Variants in KPNA5 observed in about 807,000 individuals in gnomAD.
The protein encoded by KPNA5 is karyopherin subunit alpha 5, also known as importin subunit alpha-6.
Under a neutral mutation model 71.3 loss-of-function variants are expected in KPNA5, and 46 were observed. That is an observed-to-expected ratio of 0.65 (90% CI 0.51 to 0.83). KPNA5 has a LOEUF of 0.83. Ranked by LOEUF, KPNA5 falls within the 40% of genes least tolerant of loss-of-function variation. The pLI is 0.00. For synonymous variants in KPNA5, 207 were observed against 201.4 expected (o/e 1.03, Z -0.24); for missense variants, 547 against 628.3 (o/e 0.87, Z 1.38).
chr6:116,696,069 G>A (rs995499466), intron 4 of KPNA5, among the ~76,000 whole-genome samples: 1 of 151,896 alleles, frequency 6.6e-6, no homozygotes, highest in East Asian at 1.9e-4. Flanking sequence ...TGATATCTTT[G>A]AGCAAGTTGT....
chr6:116,725,978 A>T (rs1779273711), intron 11 of KPNA5, 102 bp downstream of exon 11: 2 of 1,316,726 alleles, frequency 1.5e-6, no homozygotes, highest in African/African-American at 3.0e-5. Flanking sequence ...TTAAAAAGAT[A>T]CCGAAAAAGT....
intron 1 of KPNA5, among the ~76,000 whole-genome samples, chr6:116,684,751 A>G (rs1394589786): frequency 6.6e-6 from 1 of 152,194 alleles, no homozygotes; most frequent in Non-Finnish European, 1.5e-5. Flanking sequence ...CGTATTTTCA[A>G]CCATCTACAG....
intron 1 of KPNA5, 170 bp downstream of exon 1, chr6:116,681,508 G>C (rs1253124803): frequency 7.3e-7 from 1 of 1,364,792 alleles, no homozygotes; most frequent in Non-Finnish European, 9.5e-7. Flanking sequence ...CAGCGGTCGC[G>C]GGGGCGTGGC....
chr6:116,684,979 C>T (rs2114350722), intron 1 of KPNA5, among the ~76,000 whole-genome samples: 1 of 152,290 alleles, frequency 6.6e-6, no homozygotes, highest in East Asian at 1.9e-4. Flanking sequence ...TTGGCAGTTT[C>T]TTATAAAGTG....
At chr6:116,726,995 A>G (rs964994282) in intron 12 of KPNA5, among the ~76,000 whole-genome samples, 2 of 152,104 alleles carry the variant, frequency 1.3e-5, no homozygotes, top group African/African-American at 4.8e-5. Flanking sequence ...ATAAAATTGA[A>G]ATAGACATTG....
At chr6:116,720,825 C>T (rs1779078639) in intron 8 of KPNA5, among the ~76,000 whole-genome samples, 1 of 151,974 alleles carries the variant, frequency 6.6e-6, no homozygotes, top group Non-Finnish European at 1.5e-5. Flanking sequence ...GTCTCAAAAA[C>T]AAAACAAAAC....
At chr6:116,681,432 C>G (rs973473933) in intron 1 of KPNA5, 94 bp downstream of exon 1, 1 of 1,453,380 alleles carries the variant, frequency 6.9e-7, no homozygotes, top group East Asian at 2.7e-5. Flanking sequence ...TTTATTTACC[C>G]CTTACTTTGC....
rs1028855531 is a variant in KPNA5, at chr6:116,740,760, C to T, written c.*8437C>T. ...ATCGCAAGAACAAAAAACCAAATGC[C>T]GCATCTTCTCACTCATAGGTGGGAA... On this transcript the variant is annotated 3_prime_UTR_variant, in exon 14 of 14. Transcript: ENST00000368564. The T allele has an allele frequency of 4.0e-5, 6 of 150,166 alleles. No individual in the cohort carries two copies. Among genetic ancestry groups the T allele is most frequent in the East Asian group, 3.9e-4 (2 of 5,072 alleles). 9.3% of individuals were successfully genotyped at this position (150,166 alleles called of 1,614,324 possible). A position where few individuals can be genotyped will look rare whatever the true frequency, so the allele number is the denominator to read the frequency against.
intron 4 of KPNA5, among the ~76,000 whole-genome samples, chr6:116,693,378 C>T (rs1159975850): frequency 6.6e-6 from 1 of 152,168 alleles, no homozygotes; most frequent in Admixed American, 6.5e-5. Flanking sequence ...CCTATTTCTC[C>T]ACATCCTCTC....
intron 6 of KPNA5, among the ~76,000 whole-genome samples, chr6:116,702,912 A>G (rs780436589): frequency 6.6e-6 from 1 of 152,218 alleles, no homozygotes; most frequent in Non-Finnish European, 1.5e-5. Context: ...CCATCTAAAT[A>G]AAATCAAGTC....
intron 6 of KPNA5, among the ~76,000 whole-genome samples, chr6:116,702,407 G>C (rs9400949): frequency 0.28 from 42,430 of 152,040 alleles, 6,672 homozygotes; most frequent in African/African-American, 0.43. Context: ...CTGAGGCTGG[G>C]CATGGTGGCT....
chr6:116,740,350 G>C lies in KPNA5; in HGVS notation c.*8027G>C, dbSNP rs557594985. ...ATTAAAAAGTCAGGAAACAACAGGT[G>C]CTGGAGAGGATGTGGAGAAATAGGA... is the stretch of plus-strand genomic sequence containing the variant. On this transcript the variant is annotated 3_prime_UTR_variant, in exon 14 of 14. Transcript: ENST00000368564. The C allele has an allele frequency of 4.6e-4, 70 of 152,254 alleles. No individual in the cohort carries two copies. The highest frequency in any genetic ancestry group is 1.6e-3 in the African/African-American group (68 of 41,556). The allele number at this position is 152,254 out of a possible 1,614,324, so 9.4% of individuals were successfully genotyped here.
chr6:116,732,776 A>C lies in KPNA5; in HGVS notation c.*453A>C, dbSNP rs902982929. 3.9e-5 allele frequency: 6 copies of C among 152,034 alleles called. No individual in the cohort carries two copies. Among genetic ancestry groups the C allele is most frequent in the African/African-American group, 1.4e-4 (6 of 41,452 alleles). 9.4% of individuals were successfully genotyped at this position (152,034 alleles called of 1,614,324 possible). A position where few individuals can be genotyped will look rare whatever the true frequency, so the allele number is the denominator to read the frequency against. ...TCTATCTTGAAGCAGAAATAAAAACAAAAAAGCTTCAGAAGCATGAAATAA... is the reference window on the plus strand; with the variant it reads ...TCTATCTTGAAGCAGAAATAAAAACCAAAAAGCTTCAGAAGCATGAAATAA... On this transcript the variant is annotated 3_prime_UTR_variant, in exon 14 of 14. Coordinates refer to ENST00000368564, the MANE Select transcript of KPNA5 (RefSeq NM_001366306.2).
chr6:116,709,497 C>T (rs1268932062), intron 7 of KPNA5, among the ~76,000 whole-genome samples: 1 of 152,144 alleles, frequency 6.6e-6, no homozygotes, highest in African/African-American at 2.4e-5. Context: ...GCACTCTAGC[C>T]TGTGCAACAT....
At chr6:116,690,642 C>CAAA (rs1283337605) in intron 2 of KPNA5, among the ~76,000 whole-genome samples, 2 of 62,210 alleles carry the variant, frequency 3.2e-5, no homozygotes, top group African/African-American at 5.3e-5. Context: ...GACTCCATCT[C>CAAA]AAAAAAAAAA....
At position 116,705,173 on chromosome 6, in the gene KPNA5, T is replaced by C. The variant is rs1198388892; in HGVS notation, c.656+13T>C. 3.8e-6 allele frequency: 6 copies of C among 1,568,176 alleles called. No individual in the cohort carries two copies. Among genetic ancestry groups the C allele is most frequent in the African/African-American group, 1.4e-5 (1 of 73,834 alleles). Reference sequence around the variant, plus strand: ...CACCTCTTTTAGAGTAAGTACTTTATCACAATTAAGTATATATCAAAAACT... The same window carrying C: ...CACCTCTTTTAGAGTAAGTACTTTACCACAATTAAGTATATATCAAAAACT... On this transcript the variant is annotated intron_variant, in intron 7 of 13. Transcript: ENST00000368564.
At chr6:116,727,395 CA>C (rs1779329591) in intron 12 of KPNA5, among the ~76,000 whole-genome samples, 1 of 151,942 alleles carries the variant, frequency 6.6e-6, no homozygotes, top group South Asian at 2.1e-4. Flanking sequence ...TAAAAAATGC[CA>C]GTACAACACT....
intron 4 of KPNA5, among the ~76,000 whole-genome samples, chr6:116,693,188 A>G (rs994830630): frequency 2.5e-4 from 38 of 152,198 alleles, no homozygotes; most frequent in Middle Eastern, 3.2e-3. Flanking sequence ...TAGTGCCGCA[A>G]TGAACATACG....
rs973382487 is a variant in KPNA5, at chr6:116,740,272, T to A, written c.*7949T>A. On this transcript the variant is annotated 3_prime_UTR_variant, in exon 14 of 14. Coordinates refer to ENST00000368564, the MANE Select transcript of KPNA5 (RefSeq NM_001366306.2). ...TCACCATCACTGGCCATCAGACAAATGCAAATCAAAACCACAATGAGATAC... is the reference window on the plus strand; with the variant it reads ...TCACCATCACTGGCCATCAGACAAAAGCAAATCAAAACCACAATGAGATAC... The A allele has an allele frequency of 1.3e-5, 2 of 152,062 alleles. No individual in the cohort carries two copies. The highest frequency in any genetic ancestry group is 4.8e-5 in the African/African-American group (2 of 41,400). 9.4% of individuals were successfully genotyped at this position (152,062 alleles called of 1,614,324 possible).
Sources: allele counts gnomAD v4.1 joint callset (sites outside exome capture counted in the v4.1 genomes callset), GRCh38; gene constraint gnomAD v4.1.1; transcripts MANE v1.5; gene names NCBI Gene and HGNC (gene_info 2026-07-23, HGNC 2026-07-21).